The following MTX2 variants were observed in gnomAD, a reference collection of about 807,000 sequenced individuals.
MTX2 encodes metaxin-2.
Under a neutral mutation model 42.3 loss-of-function variants are expected in MTX2, and 35 were observed. The ratio of observed to expected loss-of-function variants is 0.83; its 90% CI spans 0.63 to 1.10. The LOEUF is 1.10. Among genes scored for constraint, MTX2 ranks in the 50% least tolerant of loss-of-function variants. The pLI is 0.00. For synonymous variants in MTX2, 119 were observed against 100.9 expected (o/e 1.18, Z -1.08); for missense variants, 307 against 304.1 (o/e 1.01, Z -0.07).
intron 9 of MTX2, among the ~76,000 whole-genome samples, chr2:176,331,103 G>A (rs1296116739): frequency 2.6e-5 from 4 of 151,152 alleles, no homozygotes; most frequent in Admixed American, 2.0e-4. Context: ...TGATGGACAA[G>A]CACTATTATG....
chr2:176,326,759 T>G, intron 4 of MTX2, 66 bp from the exon 5 acceptor site: 2 of 1,035,794 alleles, frequency 1.9e-6, no homozygotes, highest in Non-Finnish European at 2.8e-6. Flanking sequence ...GTTAATTTTT[T>G]TTAATTATCA....
intron 1 of MTX2, among the ~76,000 whole-genome samples, chr2:176,295,188 T>A (rs1247273436): frequency 6.6e-6 from 1 of 152,158 alleles, no homozygotes; most frequent in Non-Finnish European, 1.5e-5. Flanking sequence ...TTCTTTGAAA[T>A]TTTGTGAATT....
chr2:176,299,697 G>A (rs2105416211), intron 3 of MTX2, among the ~76,000 whole-genome samples: 1 of 152,114 alleles, frequency 6.6e-6, no homozygotes, highest in East Asian at 1.9e-4. Flanking sequence ...AAACTTTATG[G>A]AGTAATTTTC....
chr2:176,313,864 G>T (rs972210996), intron 3 of MTX2, among the ~76,000 whole-genome samples: 7 of 152,072 alleles, frequency 4.6e-5, no homozygotes, highest in African/African-American at 1.7e-4. Flanking sequence ...TGTGCTGGTG[G>T]TTGCCCAGTC....
chr2:176,328,362 A>T lies in MTX2; in HGVS notation c.355A>T (p.Asn119Tyr). 4 of 1,583,078 alleles carry T rather than the reference A, an allele frequency of 2.5e-6. No homozygotes were observed. The highest frequency in any genetic ancestry group is 3.4e-6 in the Non-Finnish European group (4 of 1,165,328). The change falls in exon 6 of 10, where the codon AAC (asparagine) becomes TAC (tyrosine). Residue 119 changes from asparagine to tyrosine, a missense_variant. Physicochemically the swap from Asn to Tyr is moderately radical, Grantham distance 143 (BLOSUM62 -2). Transcript: ENST00000249442. ...AATGAAAGCTTACATGGAATTAGTC[A>T]ACAATATGCTGTTGACTGCAGAGGT... Reference protein sequence around the residue: ...AEMKAYMELVNNMLLTAELYL... With the variant: ...AEMKAYMELVYNMLLTAELYL...
At chr2:176,298,167 TAGC>T (rs1394262062) in intron 3 of MTX2, among the ~76,000 whole-genome samples, 12 of 152,216 alleles carry the variant, frequency 7.9e-5, no homozygotes, top group East Asian at 3.9e-4. Context: ...TTCTGTGTCT[TAGC>T]AGTTGTTTTG....
intron 1 of MTX2, among the ~76,000 whole-genome samples, chr2:176,278,413 TC>T (rs1163674283): frequency 7.1e-4 from 108 of 152,286 alleles, no homozygotes. Context: ...TAAGATCCCT[TC>T]AGAGGCTTGT....
At chr2:176,314,447 A>C (rs991724105) in intron 3 of MTX2, among the ~76,000 whole-genome samples, 5 of 152,002 alleles carry the variant, frequency 3.3e-5, no homozygotes, top group Non-Finnish European at 5.9e-5. Flanking sequence ...AAAAAAAAAA[A>C]AACCCAATAT....
At chr2:176,335,062 G>T (rs1345612557) in intron 9 of MTX2, among the ~76,000 whole-genome samples, 5 of 151,598 alleles carry the variant, frequency 3.3e-5, no homozygotes, top group African/African-American at 9.7e-5. Flanking sequence ...AAAATTATAT[G>T]GTATTAATTA....
chr2:176,279,578 A>G (rs1693032154), intron 1 of MTX2, among the ~76,000 whole-genome samples: 1 of 152,136 alleles, frequency 6.6e-6, no homozygotes. Context: ...AAAAGTTGCT[A>G]TCTAGTTTTT....
At chr2:176,291,333 G>C (rs1693323446) in intron 1 of MTX2, among the ~76,000 whole-genome samples, 1 of 152,090 alleles carries the variant, frequency 6.6e-6, no homozygotes, top group Non-Finnish European at 1.5e-5. Context: ...ATAGTACAGA[G>C]TAATAACAAC....
chr2:176,313,327 T>C (rs1684359308), intron 3 of MTX2, among the ~76,000 whole-genome samples: 1 of 151,422 alleles, frequency 6.6e-6, no homozygotes, highest in Non-Finnish European at 1.5e-5. Context: ...CCCAGGATTC[T>C]ACCCAGAGAG....
chr2:176,320,986 A>G (rs1042270984), intron 3 of MTX2, among the ~76,000 whole-genome samples: 40 of 152,132 alleles, frequency 2.6e-4, no homozygotes, highest in African/African-American at 9.7e-4. Context: ...GGTGTGAGCC[A>G]CTGCTTCTGG....
At chr2:176,289,768 A>T (rs1693287457) in intron 1 of MTX2, among the ~76,000 whole-genome samples, 1 of 152,122 alleles carries the variant, frequency 6.6e-6, no homozygotes. Flanking sequence ...AATTTCTAAA[A>T]GGTGGGTAGT....
At chr2:176,304,021 C>T (rs1417481903) in intron 3 of MTX2, among the ~76,000 whole-genome samples, 1 of 151,806 alleles carries the variant, frequency 6.6e-6, no homozygotes, top group East Asian at 1.9e-4. Context: ...AAAACAACAG[C>T]CTTTTTTTAA....
chr2:176,282,981 C>CA (rs1203193877), intron 1 of MTX2, among the ~76,000 whole-genome samples: 1 of 152,074 alleles, frequency 6.6e-6, no homozygotes, highest in Non-Finnish European at 1.5e-5. Flanking sequence ...GGATTACAGG[C>CA]GTGAGCAATC....
At chr2:176,323,606 C>T (rs529270121) in intron 4 of MTX2, 142 bp downstream of exon 4, 1 of 732,372 alleles carries the variant, frequency 1.4e-6, no homozygotes, top group Non-Finnish European at 2.2e-6. Context: ...TAGAAAGTAA[C>T]AATTGCAAAT....
At chr2:176,327,434 T>A (rs971475430) in intron 5 of MTX2, among the ~76,000 whole-genome samples, 1 of 150,992 alleles carries the variant, frequency 6.6e-6, no homozygotes, top group Non-Finnish European at 1.5e-5. Flanking sequence ...GTGTGTATTA[T>A]TTTGCAACAT....
At chr2:176,304,878 A>G (rs1054169402) in intron 3 of MTX2, among the ~76,000 whole-genome samples, 14 of 152,188 alleles carry the variant, frequency 9.2e-5, no homozygotes, top group African/African-American at 3.4e-4. Context: ...TGGACTGAAA[A>G]TGGATTGCTA....
Sources: allele counts gnomAD v4.1 joint callset (sites outside exome capture counted in the v4.1 genomes callset), GRCh38; gene constraint gnomAD v4.1.1; transcripts MANE v1.5; gene names NCBI Gene and HGNC (gene_info 2026-07-23, HGNC 2026-07-21).